Variants in NUF2 observed in about 807,000 individuals in gnomAD.
NUF2 encodes the protein kinetochore protein Nuf2.
Under a neutral mutation model 61.8 loss-of-function variants are expected in NUF2, and 34 were observed. The observed-to-expected ratio is 0.55, with a 90% confidence interval of 0.42 to 0.73. The LOEUF is 0.73. Ranked by LOEUF, NUF2 falls within the 30% of genes least tolerant of loss-of-function variation. NUF2 has a pLI of 0.00. For missense variants in NUF2, 445 were observed against 539.1 expected (o/e 0.83, Z 1.73); for synonymous variants, 172 against 181.6 (o/e 0.95, Z 0.42).
chr1:163,342,245 CT>C (rs1313233700), intron 9 of NUF2, among the ~76,000 whole-genome samples: 17 of 150,698 alleles, frequency 1.1e-4, no homozygotes, highest in Admixed American at 1.1e-3. Context: ...TTTTTTTTTG[CT>C]GGGAAATGCT....
chr1:163,343,906 A>T, intron 10 of NUF2, 36 bp downstream of exon 10: 1 of 744,848 alleles, frequency 1.3e-6, no homozygotes, highest in Non-Finnish European at 1.8e-6. Context: ...TTTTGTATCT[A>T]AAAAAAAAAA....
chr1:163,327,119 C>A (rs200295919), intron 2 of NUF2, among the ~76,000 whole-genome samples: 44,554 of 119,694 alleles, frequency 0.37, 6,751 homozygotes, highest in Middle Eastern at 0.46. Context: ...CACACACACA[C>A]ACACACACAC....
intron 10 of NUF2, among the ~76,000 whole-genome samples, chr1:163,345,400 A>C (rs1651090355): frequency 6.6e-6 from 1 of 152,184 alleles, no homozygotes; most frequent in East Asian, 1.9e-4. Flanking sequence ...AACTATTTTA[A>C]TATCATCATT....
At chr1:163,325,290 C>T (rs1415706071) in intron 1 of NUF2, among the ~76,000 whole-genome samples, 1 of 152,184 alleles carries the variant, frequency 6.6e-6, no homozygotes, top group African/African-American at 2.4e-5. Context: ...TCTTTATCCA[C>T]TAGATTCTAG....
chr1:163,352,532 G>T (rs1651355910), intron 13 of NUF2, among the ~76,000 whole-genome samples: 1 of 152,216 alleles, frequency 6.6e-6, no homozygotes, highest in African/African-American at 2.4e-5. Flanking sequence ...AGAGTAAGTT[G>T]TGAACAAGGC....
chr1:163,338,243 A>AG, intron 7 of NUF2, 150 bp downstream of exon 7: 1 of 555,052 alleles, frequency 1.8e-6, no homozygotes, highest in Non-Finnish European at 3.2e-6. Context: ...TTCTTAAAAA[A>AG]AAAAAAAAGA....
intron 11 of NUF2, chr1:163,346,045 T>C (rs1455544326): frequency 3.0e-6 from 1 of 337,458 alleles, no homozygotes; most frequent in East Asian, 5.3e-5. Context: ...AACTAACCCA[T>C]CACATTGCTG....
intron 3 of NUF2, 136 bp from the exon 4 acceptor site, chr1:163,328,092 C>G: frequency 2.0e-6 from 1 of 508,090 alleles, no homozygotes; most frequent in Non-Finnish European, 3.5e-6. Flanking sequence ...GATGAAAACT[C>G]TGCATTTATA....
chr1:163,327,064 T>G (rs1198370371), intron 2 of NUF2, among the ~76,000 whole-genome samples: 7 of 150,908 alleles, frequency 4.6e-5, no homozygotes, highest in Non-Finnish European at 8.8e-5. Context: ...AAGGAAACCT[T>G]AATATCTATG....
intron 5 of NUF2, among the ~76,000 whole-genome samples, chr1:163,331,672 A>G (rs758634098): frequency 3.3e-5 from 5 of 152,016 alleles, no homozygotes. Flanking sequence ...CAAAGTCTTT[A>G]ATAGGTTAAG....
chr1:163,347,904 G>A lies in NUF2; in HGVS notation c.1090G>A (p.Glu364Lys). The change falls in exon 12 of 14, where the codon GAA becomes AAA. Residue 364 changes from glutamate (E) to lysine (K), a missense_variant. Transcript: ENST00000271452. ...TAQFKINKKH[E>K]DVKQYKRTVI... The stretch of plus-strand genomic sequence containing the variant: ...ACAATTCAAAATAAATAAGAAGCAT[G>A]AAGATGTTAAGCAATACAAACGCAC... The A allele has an allele frequency of 6.2e-7, 1 of 1,605,664 alleles. No homozygotes were observed. Among genetic ancestry groups the A allele is most frequent in the Non-Finnish European group, 8.5e-7 (1 of 1,177,216 alleles).
chr1:163,348,771 T>A (rs1651215496), intron 12 of NUF2, among the ~76,000 whole-genome samples, 174 bp from the exon 13 acceptor site: 1 of 152,192 alleles, frequency 6.6e-6, no homozygotes, highest in Non-Finnish European at 1.5e-5. Flanking sequence ...TATGTTGTGA[T>A]GTGATTATAG....
Position 163,355,676 on chromosome 1 carries a change from T to C in NUF2, c.*207T>C. On this transcript the variant is annotated 3_prime_UTR_variant, in exon 14 of 14. Coordinates refer to ENST00000271452, the MANE Select transcript of NUF2 (RefSeq NM_145697.3). ...TTAAAATAACTTGTGCAGCTATTCA[T>C]GTCTCTACTCTGCCCCTTGTTGTAA... is the stretch of plus-strand genomic sequence containing the variant. The C allele has an allele frequency of 2.9e-6, 1 of 345,018 alleles. No homozygotes were observed. The highest frequency in any genetic ancestry group is 5.3e-6 in the Non-Finnish European group (1 of 189,142). The allele number at this position is 345,018 out of a possible 1,614,324, so 21.4% of individuals were successfully genotyped here.
Position 163,336,796 on chromosome 1 carries a change from T to G in NUF2, c.383T>G (p.Ile128Ser). Residue 128 changes from isoleucine (I) to serine (S), a missense_variant, in exon 6 of 14, where the codon ATT becomes AGT. Coordinates refer to ENST00000271452, the MANE Select transcript of NUF2 (RefSeq NM_145697.3). ...TTTTTAAGTGGCATTATCAACTTTATTCACTTCAGAGAAGCATGCCGTGAA... is the reference window on the plus strand; with the variant it reads ...TTTTTAAGTGGCATTATCAACTTTAGTCACTTCAGAGAAGCATGCCGTGAA... ...SRFLSGIINF[I>S]HFREACRETY... The G allele has an allele frequency of 6.2e-7, 1 of 1,613,106 alleles. No homozygotes were observed. Among genetic ancestry groups the G allele is most frequent in the South Asian group, 1.1e-5 (1 of 91,050 alleles).
At chr1:163,340,742 GC>G (rs1650917262) in intron 9 of NUF2, among the ~76,000 whole-genome samples, 1 of 152,012 alleles carries the variant, frequency 6.6e-6, no homozygotes, top group Admixed American at 6.6e-5. Flanking sequence ...CATCTTACCT[GC>G]TTTTTTCTCC....
chr1:163,340,665 G>A (rs952946074), intron 9 of NUF2, among the ~76,000 whole-genome samples: 1 of 152,106 alleles, frequency 6.6e-6, no homozygotes, highest in Non-Finnish European at 1.5e-5. Flanking sequence ...TTATATCAAA[G>A]ATTGTATTTG....
chr1:163,351,223 AC>A (rs1041583269), intron 13 of NUF2, among the ~76,000 whole-genome samples: 8 of 152,160 alleles, frequency 5.3e-5, no homozygotes, highest in African/African-American at 1.4e-4. Flanking sequence ...GACCAGCCAG[AC>A]CCAAAACACA....
chr1:163,345,289 T>G (rs1421955875), intron 10 of NUF2, among the ~76,000 whole-genome samples: 1 of 152,120 alleles, frequency 6.6e-6, no homozygotes, highest in African/African-American at 2.4e-5. Context: ...AAGAATTAGC[T>G]ATAGTAGTCG....
intron 9 of NUF2, among the ~76,000 whole-genome samples, chr1:163,343,493 A>C (rs983664587): frequency 2.0e-5 from 3 of 152,144 alleles, no homozygotes; most frequent in African/African-American, 7.2e-5. Context: ...GTGGGAGATG[A>C]GACTAGACAG....
Sources: allele counts gnomAD v4.1 joint callset (sites outside exome capture counted in the v4.1 genomes callset), GRCh38; gene constraint gnomAD v4.1.1; transcripts MANE v1.5; gene names NCBI Gene and HGNC (gene_info 2026-07-23, HGNC 2026-07-21).